Variants in DACH2 observed in about 807,000 individuals in gnomAD.
DACH2 encodes dachshund family transcription factor 2.
A neutral mutation model predicts 35.8 loss-of-function variants in DACH2; 17 were observed. The ratio of observed to expected loss-of-function variants is 0.48; its 90% confidence interval spans 0.33 to 0.71. The LOEUF is 0.71. Among genes scored for constraint, DACH2 ranks in the 30% least tolerant of loss-of-function variants. The pLI is 0.02. For missense variants in DACH2, 469 were observed against 472.7 expected (o/e 0.99, Z 0.07); for synonymous variants, 195 against 177.3 (o/e 1.10, Z -0.79).
chrX:86,232,569 G>A (rs779754376), intron 1 of DACH2, among the ~76,000 whole-genome samples: 10 of 111,779 alleles, frequency 8.9e-5, no homozygotes, highest in Non-Finnish European at 1.9e-4. Context: ...GAAGACATAC[G>A]TCAGCCAACA....
intron 1 of DACH2, among the ~76,000 whole-genome samples, chrX:86,205,341 C>T (rs1435220746): frequency 5.5e-5 from 6 of 109,070 alleles, no homozygotes; most frequent in Non-Finnish European, 9.6e-5. Flanking sequence ...GAATAAGAAG[C>T]TTTATTTTCA....
intron 7 of DACH2, among the ~76,000 whole-genome samples, chrX:86,770,004 AAATAAAT>A (rs1569480252): frequency 1.8e-5 from 2 of 109,340 alleles, no homozygotes; most frequent in African/African-American, 3.3e-5. Flanking sequence ...TCTATAAAAA[AAATAAAT>A]AAAAAATAAA....
At chrX:86,265,299 A>G (rs1304403737) in intron 1 of DACH2, among the ~76,000 whole-genome samples, 1 of 111,862 alleles carries the variant, frequency 8.9e-6, no homozygotes, top group African/African-American at 3.2e-5. Flanking sequence ...TACTTCCAAT[A>G]GTACACATTA....
intron 6 of DACH2, among the ~76,000 whole-genome samples, chrX:86,727,036 G>C (rs1320278112): frequency 8.9e-6 from 1 of 112,341 alleles, no homozygotes; most frequent in Non-Finnish European, 1.9e-5. Context: ...ATTTAAATTT[G>C]TATAACTCAT....
At chrX:86,531,004 T>C (rs758399208) in intron 3 of DACH2, among the ~76,000 whole-genome samples, 22 of 112,037 alleles carry the variant, frequency 2.0e-4, no homozygotes, top group Admixed American at 1.9e-3. Flanking sequence ...TAGAAAGTTG[T>C]GGACCTTTGA....
chrX:86,441,373 A>T (rs1213951491), intron 2 of DACH2, among the ~76,000 whole-genome samples: 1 of 111,068 alleles, frequency 9.0e-6, no homozygotes, highest in Non-Finnish European at 1.9e-5. Flanking sequence ...ACATGTGAAG[A>T]TTGTCTTTCT....
At chrX:86,627,736 C>A (rs1403596718) in intron 3 of DACH2, among the ~76,000 whole-genome samples, 3 of 112,019 alleles carry the variant, frequency 2.7e-5, no homozygotes, top group Non-Finnish European at 5.6e-5. Context: ...TTGAGAATGA[C>A]AAGTTCTGTC....
chrX:86,269,865 C>T (rs995434217), intron 1 of DACH2, among the ~76,000 whole-genome samples: 1 of 109,007 alleles, frequency 9.2e-6, no homozygotes, highest in African/African-American at 3.3e-5. Flanking sequence ...TATATATTCA[C>T]TATTATTGTC....
At chrX:86,224,440 G>T (rs370114616) in intron 1 of DACH2, among the ~76,000 whole-genome samples, 20 of 111,124 alleles carry the variant, frequency 1.8e-4, no homozygotes, top group Non-Finnish European at 2.1e-4. Context: ...TCACAAGCCC[G>T]CACCTTCCAC....
intron 7 of DACH2, among the ~76,000 whole-genome samples, chrX:86,790,859 C>G (rs922356269): frequency 1.7e-4 from 19 of 111,519 alleles, no homozygotes; most frequent in African/African-American, 5.9e-4. Flanking sequence ...TAACTTTTGA[C>G]TCTCCAAAAA....
chrX:86,398,417 C>G (rs373814214), intron 2 of DACH2, among the ~76,000 whole-genome samples: 5 of 111,938 alleles, frequency 4.5e-5, no homozygotes, highest in African/African-American at 1.3e-4. Flanking sequence ...TTAGTTATTT[C>G]TTGCCTTCTG....
intron 1 of DACH2, among the ~76,000 whole-genome samples, chrX:86,318,995 T>C (rs1337157125): frequency 1.8e-5 from 2 of 112,297 alleles, no homozygotes; most frequent in African/African-American, 6.5e-5. Context: ...AATTTGCTAT[T>C]AATGTTAAAC....
At chrX:86,523,159 T>G (rs1246139745) in intron 3 of DACH2, among the ~76,000 whole-genome samples, 4 of 111,990 alleles carry the variant, frequency 3.6e-5, no homozygotes, top group South Asian at 3.7e-4. Context: ...CATTCATGTC[T>G]TCAGGTAACT....
intron 2 of DACH2, among the ~76,000 whole-genome samples, chrX:86,435,896 G>A (rs1569398398): frequency 9.0e-6 from 1 of 111,324 alleles, no homozygotes; most frequent in South Asian, 3.7e-4. Flanking sequence ...ATTTAACAAG[G>A]GATTAGTGAT....
chrX:86,735,728 C>T (rs2041587648), intron 6 of DACH2, among the ~76,000 whole-genome samples: 1 of 111,494 alleles, frequency 9.0e-6, no homozygotes, highest in African/African-American at 3.3e-5. Flanking sequence ...TTCATAGGAG[C>T]TGCAGCTATT....
At chrX:86,378,284 A>T (rs1286065902) in intron 2 of DACH2, among the ~76,000 whole-genome samples, 1 of 110,301 alleles carries the variant, frequency 9.1e-6, no homozygotes, top group East Asian at 2.8e-4. Context: ...GCAATCAGAG[A>T]AAAACCATGA....
chrX:86,154,464 G>A (rs2030475468), intron 1 of DACH2, among the ~76,000 whole-genome samples: 1 of 111,141 alleles, frequency 9.0e-6, no homozygotes, highest in Admixed American at 9.6e-5. Flanking sequence ...ATCTCAACCT[G>A]CAAAACTCTT....
chrX:86,428,310 G>A (rs954023112), intron 2 of DACH2, among the ~76,000 whole-genome samples: 1 of 111,652 alleles, frequency 9.0e-6, no homozygotes, highest in Non-Finnish European at 1.9e-5. Flanking sequence ...ATTCAAAAAT[G>A]TCAGTAAAAA....
intron 1 of DACH2, among the ~76,000 whole-genome samples, chrX:86,342,397 A>C (rs1221081444): frequency 1.8e-5 from 2 of 111,287 alleles, no homozygotes; most frequent in African/African-American, 6.5e-5. Flanking sequence ...GATACCCAGG[A>C]AGCTAAAGTG....
Sources: gnomAD v4.1 joint callset for allele counts (sites outside exome capture counted in the v4.1 genomes callset) on GRCh38, gnomAD v4.1.1 for gene constraint, MANE v1.5 for transcripts, NCBI Gene and HGNC (gene_info 2026-07-23, HGNC 2026-07-21) for gene names.